Variants in DHX33 observed in about 807,000 individuals in gnomAD.
The protein encoded by DHX33 is ATP-dependent RNA helicase DHX33.
In DHX33, 42 loss-of-function variants were observed where a neutral mutation model predicts 72.5. The ratio of observed to expected loss-of-function variants is 0.58; its 90% CI spans 0.45 to 0.75. The LOEUF (loss-of-function observed/expected upper bound fraction) is 0.75. Ranked by LOEUF, DHX33 falls within the 30% of genes least tolerant of loss-of-function variation. DHX33 has a pLI of 0.00. For synonymous variants in DHX33, 358 were observed against 366.1 expected (o/e 0.98, Z 0.25); for missense variants, 842 against 917.5 (o/e 0.92, Z 1.06).
intron 1 of DHX33, among the ~76,000 whole-genome samples, chr17:5,468,309 G>C (rs956589836): frequency 6.6e-6 from 1 of 152,048 alleles, no homozygotes; most frequent in African/African-American, 2.4e-5. Flanking sequence ...AGATCCGCAA[G>C]CCCCCGGTAC....
In DHX33 at chr17:5,452,720, AAAAT is replaced by A. The variant is rs545567996; in HGVS notation, c.1396+856_1396+859del. 7.2e-3 allele frequency among the ~76,000 whole-genome samples: 1,100 copies of A among 152,214 alleles called. 6 individuals are homozygous for A. The highest frequency in any genetic ancestry group is 0.013 in the Non-Finnish European group (879 of 67,996). ...ACAACCAGAGTGAGACCCTGTCTCA[AAAAT>A]AAATAAATAAATACATAAATAAAAT... On this transcript the variant is annotated intron_variant, in intron 8 of 11. Transcript: ENST00000225296.
At position 5,453,585 on chromosome 17, in the gene DHX33, G is replaced by A. The variant is rs781328671; in HGVS notation, c.1391C>T (p.Ser464Phe). Residue 464 changes from serine to phenylalanine, a missense_variant, in exon 8 of 12, where the codon TCT (serine) becomes TTT (phenylalanine). Transcript: ENST00000225296. ...VLTFDFMSKP[S>F]PDHIQAAIAQ... is the part of the protein sequence containing the mutation. ...AAACTGTGGATTTCACTTACCTGGA[G>A]ATGGCTTCGACATGAAGTCAAAGGT... 1 of 1,614,080 alleles carries A rather than the reference G, an allele frequency of 6.2e-7. No individual in the cohort carries two copies. The highest frequency in any genetic ancestry group is 8.5e-7 in the Non-Finnish European group (1 of 1,179,956).
intron 10 of DHX33, among the ~76,000 whole-genome samples, chr17:5,449,413 T>C (rs113280482): frequency 8.8e-6 from 1 of 113,206 alleles, no homozygotes; most frequent in South Asian, 4.3e-4. Flanking sequence ...AAATGCCCAG[T>C]CAATTTATGT....
At chr17:5,449,484 T>A (rs1360111173) in intron 10 of DHX33, among the ~76,000 whole-genome samples, 3 of 152,254 alleles carry the variant, frequency 2.0e-5, no homozygotes, top group Non-Finnish European at 4.4e-5. Context: ...TCACCTAGGC[T>A]GGAGTGCAGT....
Position 5,457,995 on chromosome 17 carries a change from G to A in DHX33, c.850-1813C>T, listed in dbSNP as rs550987774. ...TCTCAACTCATTTTGGAAGAGAGGG[G>A]AAAGGGGCTGGATGACTTGGCTAGA... is the stretch of plus-strand genomic sequence containing the variant. On this transcript the variant is annotated intron_variant, in intron 4 of 11. Transcript: ENST00000225296. Among the ~76,000 whole-genome samples the A allele has an allele frequency of 4.5e-4, 69 of 152,336 alleles. 1 individual carries two copies. Among genetic ancestry groups the A allele is most frequent in the Middle Eastern group, 6.8e-3 (2 of 294 alleles).
chr17:5,446,624 G>C (rs537818213), intron 11 of DHX33, among the ~76,000 whole-genome samples: 5 of 152,310 alleles, frequency 3.3e-5, no homozygotes, highest in African/African-American at 1.2e-4. Flanking sequence ...GAATGATAGT[G>C]ATTATTTTAA....
At chr17:5,465,213 G>C (rs1245367198) in intron 1 of DHX33, among the ~76,000 whole-genome samples, 2 of 152,056 alleles carry the variant, frequency 1.3e-5, no homozygotes, top group African/African-American at 4.8e-5. Context: ...GCTACCACCA[G>C]GCCTCTCTGA....
In DHX33 at chr17:5,461,114, A is replaced by G. The variant is rs758419114; in HGVS notation, c.679-5T>C. 11 of 1,600,134 alleles carry G rather than the reference A, an allele frequency of 6.9e-6. No individual in the cohort carries two copies. The Admixed American group carries it at 1.5e-4, about 22-fold the overall frequency. On this transcript the variant is annotated splice_region_variant and splice_polypyrimidine_tract_variant and intron_variant, in intron 3 of 11. Coordinates refer to ENST00000225296, the MANE Select transcript of DHX33 (RefSeq NM_020162.4). ...CGTAGCTGACATCACAATCACCTGC[A>G]TAAGAGAACGAAGAGGAGGACCAGA...
rs965107256 is a variant in DHX33, at chr17:5,450,486, C to T, written c.1525-80G>A. ...GCACTATTTCTGTACATTGCTTTTG[C>T]AGTTTCCCTTCTAAGGAGTTAAAGG... On this transcript the variant is annotated intron_variant, in intron 9 of 11. Coordinates refer to ENST00000225296, the MANE Select transcript of DHX33 (RefSeq NM_020162.4). 4.8e-6 allele frequency: 7 copies of T among 1,472,448 alleles called. No individual in the cohort carries two copies. The Admixed American group carries it at 1.1e-4, about 22-fold the overall frequency. The allele number at this position is 1,472,448 out of a possible 1,614,324, so 91.2% of individuals were successfully genotyped here.
At chr17:5,462,752 A>G (rs1829478860) in intron 2 of DHX33, among the ~76,000 whole-genome samples, 1 of 152,170 alleles carries the variant, frequency 6.6e-6, no homozygotes. Context: ...TACAAGGAAT[A>G]TTTAAAATTA....
Position 5,456,011 on chromosome 17 carries a change from G to A in DHX33, c.1021C>T (p.Gln341Ter), listed in dbSNP as rs1451269338. 1 of 1,612,372 alleles carries A rather than the reference G, an allele frequency of 6.2e-7. No homozygotes were observed. ...GGTGCACTCACCTTTGGGGCCCCTTGGAAGACTCGGAGCTGCTGTGCATAG... is the reference window on the plus strand; with the variant it reads ...GGTGCACTCACCTTTGGGGCCCCTTAGAAGACTCGGAGCTGCTGTGCATAG... ...LPYAQQLRVF[Q>*]GAPKGYRKVI... The change falls in exon 5 of 12, where the codon CAA becomes TAA. Residue 341 changes from glutamine to a stop codon, truncating the protein, a stop_gained. Coordinates refer to ENST00000225296, the MANE Select transcript of DHX33 (RefSeq NM_020162.4). LOFTEE classifies it high-confidence loss of function.
intron 8 of DHX33, among the ~76,000 whole-genome samples, chr17:5,452,847 C>G (rs539122347): frequency 6.6e-6 from 1 of 152,130 alleles, no homozygotes; most frequent in Non-Finnish European, 1.5e-5. Context: ...AACTGTGAAC[C>G]TGAGGATCAG....
At chr17:5,454,047 AAAG>A (rs1259624210) in intron 6 of DHX33, 67 bp from the exon 7 acceptor site, 6 of 1,558,662 alleles carry the variant, frequency 3.8e-6, no homozygotes, top group South Asian at 1.2e-5. Flanking sequence ...GTGTCGATAA[AAAG>A]AAGCACACCA....
At chr17:5,451,729 A>G (rs1567598922) in intron 8 of DHX33, among the ~76,000 whole-genome samples, 1 of 152,256 alleles carries the variant, frequency 6.6e-6, no homozygotes, top group Non-Finnish European at 1.5e-5. Flanking sequence ...TGTAGTAAAT[A>G]TATACATCCC....
chr17:5,444,445 G>C lies in DHX33; in HGVS notation c.1884C>G (p.Leu628=), dbSNP rs767344642. The part of the protein sequence containing the change: ...ESVRRCLAHS[L]FMSTAELQPD... ...GCTGAAGCTCGGCGGTGCTCATGAA[G>C]AGGCTGTGAGCCAGGCAGCGGCGGA... Residue 628 remains leucine (L), a synonymous_variant, in exon 12 of 12, where the codon CTC becomes CTG. Coordinates refer to ENST00000225296, the MANE Select transcript of DHX33 (RefSeq NM_020162.4). The surrounding 1 kb of genome is among the most constrained non-coding windows in gnomAD (Gnocchi z 4.9). 4 of 1,614,220 alleles carry C rather than the reference G, an allele frequency of 2.5e-6. No individual in the cohort carries two copies. Among genetic ancestry groups the C allele is most frequent in the Non-Finnish European group, 2.5e-6 (3 of 1,180,040 alleles).
At chr17:5,463,072 A>G (rs762295227) in intron 2 of DHX33, among the ~76,000 whole-genome samples, 9 of 151,918 alleles carry the variant, frequency 5.9e-5, no homozygotes, top group Non-Finnish European at 1.3e-4. Context: ...GAGCGAGACT[A>G]TCTCCAAAAA....
In DHX33 at chr17:5,450,390, G is replaced by C; in HGVS notation, c.1541C>G (p.Pro514Arg). 2 of 1,614,056 alleles carry C rather than the reference G, an allele frequency of 1.2e-6. No individual in the cohort carries two copies. Among genetic ancestry groups the C allele is most frequent in the South Asian group, 1.1e-5 (1 of 91,080 alleles). ...PKFAKTILMS[P>R]KFHCTEEILT... ...GATCTCCTCTGTACAGTGGAATTTG[G>C]GGGACATGAGGATGGTCTGCAAAGC... Residue 514 changes from proline (P) to arginine (R), a missense_variant, in exon 10 of 12, where the codon CCC becomes CGC. Physicochemically the swap from Pro to Arg is moderately radical, Grantham distance 103. Coordinates refer to ENST00000225296, the MANE Select transcript of DHX33 (RefSeq NM_020162.4).
At chr17:5,462,646 C>G (rs1281330867) in intron 2 of DHX33, 100 bp from the exon 3 acceptor site, 1 of 785,948 alleles carries the variant, frequency 1.3e-6, no homozygotes, top group African/African-American at 1.7e-5. Flanking sequence ...TGAACAAGAC[C>G]AACACCAACG....
chr17:5,453,681 T>C lies in DHX33; in HGVS notation c.1308-13A>G. ...GGCCAGGTTACACCTGTGAAGAGCA[T>C]GAGACCAGGGTCATGACCTGATCCC... On this transcript the variant is annotated splice_polypyrimidine_tract_variant and intron_variant, in intron 7 of 11. Transcript: ENST00000225296. 6.2e-7 allele frequency: 1 copy of C among 1,614,084 alleles called. No individual in the cohort carries two copies. Among genetic ancestry groups the C allele is most frequent in the South Asian group, 1.1e-5 (1 of 91,080 alleles).
Sources: allele counts gnomAD v4.1 joint callset (sites outside exome capture counted in the v4.1 genomes callset), GRCh38; gene constraint gnomAD v4.1.1; non-coding constraint Gnocchi (gnomAD v3.1); transcripts MANE v1.5; gene names NCBI Gene and HGNC (gene_info 2026-07-23, HGNC 2026-07-21).